RPSA2: variants seen among roughly 807,000 people sequenced by gnomAD.
The protein encoded by RPSA2 is ribosomal protein SA 2.
chr19:23,836,391 C>A, the RPSA2 span, among the ~76,000 whole-genome samples: 2 of 151,748 alleles, frequency 1.3e-5, no homozygotes, highest in South Asian at 2.1e-4. Context: ...ACACACACAC[C>A]CCACAGTTTC....
the RPSA2 span, among the ~76,000 whole-genome samples, chr19:23,814,749 A>AT: frequency 3.3e-5 from 5 of 151,794 alleles, no homozygotes; most frequent in South Asian, 2.1e-4. Context: ...ATATTTTTGG[A>AT]TTTTTTTTAG....
the RPSA2 span, among the ~76,000 whole-genome samples, chr19:23,761,929 TTTTTTTGAGATGGA>T: frequency 1.2e-5 from 1 of 80,544 alleles, no homozygotes; most frequent in African/African-American, 5.2e-5. Context: ...TCTTTTTTTT[TTTTTTTGAGATGGA>T]GTCTTGCTCT....
the RPSA2 span, among the ~76,000 whole-genome samples, chr19:23,833,665 A>T: frequency 6.6e-6 from 1 of 152,166 alleles, no homozygotes; most frequent in Non-Finnish European, 1.5e-5. Flanking sequence ...TAAAAAAGCC[A>T]TTAATACCTG....
the RPSA2 span, among the ~76,000 whole-genome samples, chr19:23,761,903 T>TCCTTCCTTCCTCCCTTCCTTC: frequency 5.6e-5 from 2 of 35,634 alleles, no homozygotes; most frequent in African/African-American, 2.1e-4. Flanking sequence ...GTAACGTAAT[T>TCCTTCCTTCCTCCCTTCCTTC]CTTTCTTTCT....
At chr19:23,821,500 CTG>C in the RPSA2 span, among the ~76,000 whole-genome samples, 24 of 152,172 alleles carry the variant, frequency 1.6e-4, no homozygotes, top group South Asian at 8.3e-4. Context: ...GACTTCTTCC[CTG>C]CCTCCCCCAC....
At chr19:23,799,401 A>T in the RPSA2 span, 1 of 152,240 alleles carries the variant, frequency 6.6e-6, no homozygotes, top group Non-Finnish European at 1.5e-5. Flanking sequence ...TTATAAATAG[A>T]AACTGTGGCT....
chr19:23,827,083 G>C, the RPSA2 span: 1 of 743,612 alleles, frequency 1.3e-6, no homozygotes, highest in Non-Finnish European at 2.4e-6. Context: ...CAATGCTGCA[G>C]CTTTTCCGCG....
At chr19:23,762,066 C>T in the RPSA2 span, among the ~76,000 whole-genome samples, 8 of 150,994 alleles carry the variant, frequency 5.3e-5, no homozygotes, top group Non-Finnish European at 5.9e-5. Flanking sequence ...TATAGGCGTG[C>T]GCCACCACGC....
the RPSA2 span, among the ~76,000 whole-genome samples, chr19:23,797,489 C>G: frequency 7.2e-6 from 1 of 139,572 alleles, no homozygotes; most frequent in African/African-American, 2.6e-5. Flanking sequence ...AGAAGTTATT[C>G]AAGTGCCGGT....
At chr19:23,858,774 G>T in the RPSA2 span, among the ~76,000 whole-genome samples, 1 of 152,196 alleles carries the variant, frequency 6.6e-6, no homozygotes, top group African/African-American at 2.4e-5. Flanking sequence ...GTAAGAAGCA[G>T]GCAACACAGT....
At chr19:23,823,212 A>G in the RPSA2 span, among the ~76,000 whole-genome samples, 1 of 152,280 alleles carries the variant, frequency 6.6e-6, no homozygotes, top group South Asian at 2.1e-4. Flanking sequence ...GTTCCTTAAC[A>G]TACATGCTAA....
chr19:23,862,728 T>C, the RPSA2 span, among the ~76,000 whole-genome samples: 7 of 150,716 alleles, frequency 4.6e-5, no homozygotes, highest in African/African-American at 1.7e-4. Flanking sequence ...GAATCCCAGG[T>C]GCACATGTAC....
At chr19:23,829,870 G>A in the RPSA2 span, among the ~76,000 whole-genome samples, 81 of 152,018 alleles carry the variant, frequency 5.3e-4, no homozygotes, top group African/African-American at 1.8e-3. Context: ...CTAGGATAAT[G>A]CTAATAAATT....
chr19:23,835,331 TA>T, the RPSA2 span, among the ~76,000 whole-genome samples: 7 of 150,694 alleles, frequency 4.6e-5, no homozygotes, highest in African/African-American at 1.7e-4. Flanking sequence ...TAGGTCTAAA[TA>T]AATTATGGAG....
the RPSA2 span, among the ~76,000 whole-genome samples, chr19:23,802,290 A>G: frequency 6.6e-6 from 1 of 152,202 alleles, no homozygotes; most frequent in Non-Finnish European, 1.5e-5. Flanking sequence ...CCTGAGCACA[A>G]CTATAGCTAC....
the RPSA2 span, among the ~76,000 whole-genome samples, chr19:23,791,113 G>T: frequency 3.9e-5 from 6 of 152,220 alleles, no homozygotes; most frequent in African/African-American, 1.4e-4. Flanking sequence ...TATTAAAAAT[G>T]TATGGGTGTC....
the RPSA2 span, among the ~76,000 whole-genome samples, chr19:23,779,647 G>A: frequency 2.6e-5 from 4 of 152,196 alleles, no homozygotes; most frequent in East Asian, 7.7e-4. Context: ...TAGCAACCAC[G>A]TATTTTGGGT....
At chr19:23,846,028 A>G in the RPSA2 span, among the ~76,000 whole-genome samples, 1 of 152,116 alleles carries the variant, frequency 6.6e-6, no homozygotes, top group Admixed American at 6.5e-5. Context: ...CTCCACTATT[A>G]TTGTGTTACC....
chr19:23,840,018 T>C, the RPSA2 span, among the ~76,000 whole-genome samples: 1 of 152,190 alleles, frequency 6.6e-6, no homozygotes, highest in African/African-American at 2.4e-5. Context: ...GTTGTCCTGA[T>C]GCCTTTAAGG....
Sources: allele counts gnomAD v4.1 joint callset (sites outside exome capture counted in the v4.1 genomes callset), GRCh38; gene constraint gnomAD v4.1.1; transcripts MANE v1.5; gene names NCBI Gene and HGNC (gene_info 2026-07-23, HGNC 2026-07-21).